The following SEMA6D variants were observed in gnomAD, a reference collection of about 807,000 sequenced individuals.
SEMA6D encodes the protein semaphorin-6D.
In SEMA6D, 35 loss-of-function variants were observed where a neutral mutation model predicts 106.6. The ratio of observed to expected loss-of-function variants is 0.33; its 90% CI spans 0.25 to 0.44. SEMA6D has a LOEUF of 0.44. Among genes scored for constraint, SEMA6D ranks in the 20% least tolerant of loss-of-function variants. The pLI, the probability that SEMA6D is intolerant of heterozygous loss-of-function variation, is 1.00. For synonymous variants in SEMA6D, 499 were observed against 487.7 expected (o/e 1.02, Z -0.31); for missense variants, 1,185 against 1,345.9 (o/e 0.88, Z 1.87).
At position 47,586,914 on chromosome 15, in the gene SEMA6D, C is replaced by G. The variant is rs1463213749; in HGVS notation, c.-86-13951C>G. 6.5e-5 allele frequency among the ~76,000 whole-genome samples: 7 copies of G among 107,964 alleles called. No individual in the cohort carries two copies. In the Admixed American group the frequency reaches 8.2e-4, roughly 13 times the overall value. The allele number at this position is 107,964 out of a possible 152,430, so 70.8% of individuals were successfully genotyped here. A position where few individuals can be genotyped will look rare whatever the true frequency, so the allele number is the denominator to read the frequency against. On this transcript the variant is annotated intron_variant, in intron 3 of 19. Transcript: ENST00000558014. ...TTTTTTTTTTTTTTTTTTTACAAGA[C>G]CTGTCTGTGTTTGTCTTCAGCTCTC... is the stretch of plus-strand genomic sequence containing the variant.
intron 1 of SEMA6D, among the ~76,000 whole-genome samples, chr15:47,742,187 A>G (rs140630956): frequency 2.0e-5 from 3 of 152,346 alleles, no homozygotes; most frequent in Non-Finnish European, 2.9e-5. Context: ...GGGTGATGCA[A>G]ACTGCAACTA....
intron 4 of SEMA6D, among the ~76,000 whole-genome samples, chr15:47,692,039 GAAGACAAAGAC>G (rs1257017758): frequency 1.3e-5 from 2 of 152,072 alleles, no homozygotes; most frequent in Non-Finnish European, 2.9e-5. Flanking sequence ...CAAGAATAGT[GAAGACAAAGAC>G]CCTGACATGG....
At chr15:47,735,596 A>G (rs2080397913) in intron 1 of SEMA6D, among the ~76,000 whole-genome samples, 1 of 152,224 alleles carries the variant, frequency 6.6e-6, no homozygotes, top group African/African-American at 2.4e-5. Flanking sequence ...CTGAGATTCC[A>G]CAATCATCAT....
At chr15:47,516,472 A>G (rs1415578573) in intron 3 of SEMA6D, among the ~76,000 whole-genome samples, 1 of 152,138 alleles carries the variant, frequency 6.6e-6, no homozygotes, top group African/African-American at 2.4e-5. Flanking sequence ...TTACTGTCAA[A>G]CTGAGTGGAT....
chr15:47,456,008 A>G (rs1464871332), intron 2 of SEMA6D, among the ~76,000 whole-genome samples: 2 of 151,972 alleles, frequency 1.3e-5, no homozygotes, highest in Non-Finnish European at 1.5e-5. Flanking sequence ...GATGATTAAT[A>G]GCTAATGTTA....
intron 1 of SEMA6D, among the ~76,000 whole-genome samples, chr15:47,753,072 G>A (rs1161502666): frequency 4.6e-5 from 7 of 152,060 alleles, no homozygotes; most frequent in African/African-American, 1.7e-4. Flanking sequence ...AGAAAACTGA[G>A]GAAGCTCCCA....
intron 3 of SEMA6D, among the ~76,000 whole-genome samples, chr15:47,485,941 G>A (rs1337045777): frequency 2.6e-5 from 4 of 152,228 alleles, no homozygotes; most frequent in Admixed American, 6.5e-5. Context: ...CTGTGTTTGT[G>A]TAGACAATGA....
intron 1 of SEMA6D, among the ~76,000 whole-genome samples, chr15:47,248,641 G>A (rs1288806139): frequency 6.6e-6 from 1 of 152,176 alleles, no homozygotes; most frequent in South Asian, 2.1e-4. Context: ...GGAGTCTTCT[G>A]CAGTTTTTTG....
rs914566148 is a variant in SEMA6D at position 47,761,584 on chromosome 15, A to T, written c.448-77A>T. On this transcript the variant is annotated intron_variant, in intron 6 of 18. Coordinates refer to ENST00000536845, the MANE Select transcript of SEMA6D (RefSeq NM_001358351.3). ...ACAGAATTCTTCAAATGGAATTTTA[A>T]TACAAATAAAATAGTATTGCCTTCA... The T allele has an allele frequency of 2.3e-6, 3 of 1,295,908 alleles. No individual in the cohort carries two copies. The African/African-American group carries it at 4.5e-5, about 19-fold the overall frequency. The allele number at this position is 1,295,908 out of a possible 1,614,324, so 80.3% of individuals were successfully genotyped here.
At chr15:47,711,309 CAAAAAAAAA>C (rs10672105) in intron 4 of SEMA6D, among the ~76,000 whole-genome samples, 6 of 97,784 alleles carry the variant, frequency 6.1e-5, no homozygotes, top group South Asian at 3.8e-4. Flanking sequence ...GACTCCGTCT[CAAAAAAAAA>C]AAAAAAAAAA....
intron 3 of SEMA6D, among the ~76,000 whole-genome samples, chr15:47,495,782 G>T (rs2043634581): frequency 6.6e-6 from 1 of 151,948 alleles, no homozygotes; most frequent in African/African-American, 2.4e-5. Flanking sequence ...CAGAAATAAT[G>T]ACACATTTTA....
At chr15:47,664,452 C>T (rs1009149914) in intron 4 of SEMA6D, among the ~76,000 whole-genome samples, 2 of 152,244 alleles carry the variant, frequency 1.3e-5, no homozygotes, top group East Asian at 1.9e-4. Flanking sequence ...ATTATTTAGA[C>T]CGGAAACCAC....
chr15:47,267,363 T>G (rs924484428), intron 1 of SEMA6D, among the ~76,000 whole-genome samples: 16 of 152,062 alleles, frequency 1.1e-4, no homozygotes, highest in African/African-American at 3.4e-4. Flanking sequence ...TACCTTTTTT[T>G]CTTTATCCTC....
At chr15:47,533,306 A>G (rs2045038386) in intron 3 of SEMA6D, among the ~76,000 whole-genome samples, 1 of 152,228 alleles carries the variant, frequency 6.6e-6, no homozygotes, top group Non-Finnish European at 1.5e-5. Flanking sequence ...ATAACATTGC[A>G]GCCTCTACTC....
intron 4 of SEMA6D, among the ~76,000 whole-genome samples, chr15:47,618,590 T>C (rs1399416755): frequency 1.3e-5 from 2 of 152,214 alleles, no homozygotes. Flanking sequence ...TTTTGTGTGT[T>C]TTTCCCATTA....
At chr15:47,502,039 T>C (rs2043865378) in intron 3 of SEMA6D, among the ~76,000 whole-genome samples, 1 of 152,140 alleles carries the variant, frequency 6.6e-6, no homozygotes. Flanking sequence ...AAGAGTAGTA[T>C]AAGGAAAATA....
intron 1 of SEMA6D, among the ~76,000 whole-genome samples, chr15:47,215,646 CAT>C (rs2141279601): frequency 6.6e-6 from 1 of 152,146 alleles, no homozygotes; most frequent in African/African-American, 2.4e-5. Flanking sequence ...GATGGAGATG[CAT>C]ATATATGTAT....
chr15:47,457,837 C>G (rs937074975), intron 2 of SEMA6D, among the ~76,000 whole-genome samples: 2 of 151,412 alleles, frequency 1.3e-5, no homozygotes, highest in African/African-American at 4.8e-5. Flanking sequence ...AAAATTACAC[C>G]AAAATGTATT....
In SEMA6D at chr15:47,688,816, G is replaced by C. The variant is rs544804501; in HGVS notation, c.-54-70929G>C. Among the ~76,000 whole-genome samples the C allele has an allele frequency of 8.5e-5, 13 of 152,228 alleles. No individual in the cohort carries two copies. The East Asian group carries it at 2.1e-3, about 25-fold the overall frequency. On this transcript the variant is annotated intron_variant, in intron 4 of 19. Coordinates refer to the SEMA6D transcript ENST00000558014. ...ATCTTTGGTAAGGTCCCTAATGAGA[G>C]TTTCTACACACATTACCAATATATC...
Sources: gnomAD v4.1 joint callset for allele counts (sites outside exome capture counted in the v4.1 genomes callset) on GRCh38, gnomAD v4.1.1 for gene constraint, MANE v1.5 for transcripts, NCBI Gene and HGNC (gene_info 2026-07-23, HGNC 2026-07-21) for gene names.